GLI3: variants seen among roughly 807,000 people sequenced by gnomAD.
GLI3 encodes the protein GLI family zinc finger 3.
A neutral mutation model predicts 100.8 loss-of-function variants in GLI3; 20 were observed. The observed-to-expected ratio is 0.20, with a 90% CI of 0.14 to 0.29. GLI3 has a LOEUF of 0.29. GLI3 is among the 10% of genes least tolerant of loss of function. GLI3 has a pLI of 1.00. For missense variants in GLI3, 2,040 were observed against 2,128.5 expected, an observed-to-expected ratio of 0.96 and a Z score of 0.82; for synonymous variants, 938 against 860.5, an observed-to-expected ratio of 1.09 and a Z score of -1.58.
chr7:42,039,824 T>C (rs1427856632), intron 7 of GLI3, among the ~76,000 whole-genome samples: 8 of 152,246 alleles, frequency 5.3e-5, no homozygotes, highest in Admixed American at 5.2e-4. Flanking sequence ...ATAGGGGCTA[T>C]TGACTAATGT....
At chr7:41,990,518 T>C (rs2128717827) in intron 10 of GLI3, among the ~76,000 whole-genome samples, 1 of 152,310 alleles carries the variant, frequency 6.6e-6, no homozygotes, top group Middle Eastern at 3.4e-3. Flanking sequence ...TTCTGAACAT[T>C]AGAACAATCA....
intron 5 of GLI3, among the ~76,000 whole-genome samples, chr7:42,046,601 TGCTACACA>T (rs1784250514): frequency 6.6e-6 from 1 of 152,178 alleles, no homozygotes; most frequent in South Asian, 2.1e-4. Context: ...CGTCATCAAA[TGCTACACA>T]AAGCAGATGA....
chr7:42,220,899 G>A (rs1403979942), intron 2 of GLI3, among the ~76,000 whole-genome samples: 2 of 152,132 alleles, frequency 1.3e-5, no homozygotes, highest in African/African-American at 4.8e-5. Context: ...GCCAGAGTTC[G>A]CCAGATTTCT....
intron 2 of GLI3, among the ~76,000 whole-genome samples, chr7:42,165,745 G>A (rs376503827): frequency 1.3e-5 from 2 of 152,108 alleles, no homozygotes; most frequent in Admixed American, 6.5e-5. Context: ...CCTCTTAAAC[G>A]TGGGCAAGTC....
chr7:41,982,697 C>CAAA (rs200821387), intron 10 of GLI3, among the ~76,000 whole-genome samples: 3 of 114,768 alleles, frequency 2.6e-5, no homozygotes, highest in African/African-American at 6.1e-5. Flanking sequence ...GAACTTGTCT[C>CAAA]AAAAAAAAAA....
chr7:42,180,498 T>C lies in GLI3; in HGVS notation c.125-32030A>G, dbSNP rs1787571046. Among the ~76,000 whole-genome samples, 4 of 152,178 alleles carry C rather than the reference T, an allele frequency of 2.6e-5. No individual in the cohort carries two copies. In the South Asian group the frequency reaches 8.3e-4, roughly 32 times the overall value. On this transcript the variant is annotated intron_variant, in intron 2 of 14. Transcript: ENST00000395925. ...TCTTTTCAGAGGATGGACATGTGTA[T>C]CCTGATGGAGCAATCCAGCAGAAAG...
chr7:42,216,593 G>A (rs1044599890), intron 2 of GLI3, among the ~76,000 whole-genome samples: 6 of 152,136 alleles, frequency 3.9e-5, no homozygotes, highest in Non-Finnish European at 7.4e-5. Flanking sequence ...GGGTATATGA[G>A]AACTCTCTGT....
At chr7:42,017,820 C>A (rs370761398) in intron 10 of GLI3, among the ~76,000 whole-genome samples, 10 of 152,282 alleles carry the variant, frequency 6.6e-5, no homozygotes, top group Admixed American at 5.2e-4. Context: ...CTCAACCCAG[C>A]GAAACACACA....
At chr7:42,042,053 T>A (rs1784150214) in intron 6 of GLI3, among the ~76,000 whole-genome samples, 1 of 150,748 alleles carries the variant, frequency 6.6e-6, no homozygotes, top group Non-Finnish European at 1.5e-5. Flanking sequence ...CTTGCTCTGT[T>A]GCCAGGCTGG....
At chr7:42,016,325 C>T (rs191356672) in intron 10 of GLI3, among the ~76,000 whole-genome samples, 102 of 152,224 alleles carry the variant, frequency 6.7e-4, no homozygotes, top group African/African-American at 2.3e-3. Context: ...TGCAGTGTTT[C>T]ATGAACTGGG....
At chr7:42,132,132 G>A (rs528781134) in intron 3 of GLI3, among the ~76,000 whole-genome samples, 4 of 151,272 alleles carry the variant, frequency 2.6e-5, no homozygotes, top group East Asian at 1.9e-4. Flanking sequence ...ATGGAGGCTC[G>A]CTCTGTCGCC....
intron 3 of GLI3, among the ~76,000 whole-genome samples, chr7:42,125,539 G>A (rs1024674244): frequency 3.9e-5 from 6 of 152,160 alleles, no homozygotes; most frequent in Non-Finnish European, 4.4e-5. Flanking sequence ...TGAAGGCAAC[G>A]CTAAGCCTCT....
chr7:41,965,411 TTGC>T lies in GLI3; in HGVS notation c.3659_3661del (p.Ser1220del). 1 of 1,609,126 alleles carries T rather than the reference TTGC, an allele frequency of 6.2e-7. No homozygotes were observed. Among genetic ancestry groups the T allele is most frequent in the Non-Finnish European group, 8.5e-7 (1 of 1,177,568 alleles). The stretch of plus-strand genomic sequence containing the variant: ...CAAGTGCTCTGGGCCACCGTAGGGG[TTGC>T]TGTTCTCCCCGAGGGTCTGATAGCC... On this transcript the variant is annotated inframe_deletion, in exon 15 of 15. Transcript: ENST00000395925.
intron 3 of GLI3, among the ~76,000 whole-genome samples, chr7:42,085,395 A>G (rs1393949329): frequency 1.3e-5 from 2 of 152,212 alleles, no homozygotes; most frequent in Non-Finnish European, 2.9e-5. Flanking sequence ...ATAAGATAGT[A>G]TATTTCATAA....
chr7:42,092,558 C>CGA lies in GLI3; in HGVS notation c.368-15703_368-15702dup, dbSNP rs1489742575. 2.6e-5 allele frequency among the ~76,000 whole-genome samples: 4 copies of CGA among 152,088 alleles called. No homozygotes were observed. The East Asian group carries it at 7.7e-4, about 29-fold the overall frequency. ...AGGTTAAAGTCTGGGCACTTCTTTG[C>CGA]GAGAGACCCTGAGGCAGGGTCAGCT... On this transcript the variant is annotated intron_variant, in intron 3 of 14. Coordinates refer to ENST00000395925, the MANE Select transcript of GLI3 (RefSeq NM_000168.6).
intron 2 of GLI3, among the ~76,000 whole-genome samples, chr7:42,218,268 C>A (rs1261460305): frequency 6.6e-6 from 1 of 151,878 alleles, no homozygotes; most frequent in Non-Finnish European, 1.5e-5. Flanking sequence ...CATTTCAGAG[C>A]AGAACTGGCA....
chr7:42,140,696 C>A (rs915583059), intron 3 of GLI3, among the ~76,000 whole-genome samples: 11 of 152,140 alleles, frequency 7.2e-5, no homozygotes, highest in African/African-American at 2.7e-4. Context: ...AGCCCTTTCC[C>A]TAAGAACTAT....
chr7:42,062,712 GACACACAC>G (rs10523955), intron 4 of GLI3, among the ~76,000 whole-genome samples: 2 of 149,614 alleles, frequency 1.3e-5, no homozygotes, highest in East Asian at 2.0e-4. Context: ...CACACACACA[GACACACAC>G]ACACACACAC....
intron 3 of GLI3, among the ~76,000 whole-genome samples, chr7:42,119,715 A>G (rs1002391187): frequency 2.6e-5 from 4 of 152,238 alleles, no homozygotes; most frequent in African/African-American, 7.2e-5. Flanking sequence ...TCTCTTAACA[A>G]TCAGCAGAAA....
Sources: gnomAD v4.1 joint callset for allele counts (sites outside exome capture counted in the v4.1 genomes callset) on GRCh38, gnomAD v4.1.1 for gene constraint, MANE v1.5 for transcripts, NCBI Gene and HGNC (gene_info 2026-07-23, HGNC 2026-07-21) for gene names.